RALYL: variants seen among roughly 807,000 people sequenced by gnomAD.
RALYL encodes the protein RNA-binding Raly-like protein.
Under a neutral mutation model 35.1 loss-of-function variants are expected in RALYL, and 29 were observed. The observed-to-expected ratio is 0.83, with a 90% CI of 0.61 to 1.13. RALYL has a LOEUF of 1.13. Among genes scored for constraint, RALYL ranks in the 50% most tolerant of loss-of-function variants. RALYL has a pLI of 0.00. For synonymous variants in RALYL, 120 were observed against 127.6 expected, an observed-to-expected ratio of 0.94 and a Z score of 0.40; for missense variants, 359 against 360.4, an observed-to-expected ratio of 1.00 and a Z score of 0.03.
At chr8:84,427,144 CCA>C (rs2046578646) in intron 1 of RALYL, among the ~76,000 whole-genome samples, 2 of 152,154 alleles carry the variant, frequency 1.3e-5, no homozygotes, top group African/African-American at 4.8e-5. Context: ...CAGTTTCACC[CCA>C]GATATGCCCA....
intron 8 of RALYL, among the ~76,000 whole-genome samples, chr8:84,890,640 A>C (rs1429331138): frequency 6.6e-6 from 1 of 152,106 alleles, no homozygotes; most frequent in Non-Finnish European, 1.5e-5. Context: ...TGTATTTGTA[A>C]CATGTTCCTA....
chr8:84,315,598 C>T (rs1843606434), intron 1 of RALYL, among the ~76,000 whole-genome samples: 1 of 152,018 alleles, frequency 6.6e-6, no homozygotes, highest in Non-Finnish European at 1.5e-5. Flanking sequence ...ATTTCGGAAG[C>T]ATCCAACATC....
intron 1 of RALYL, among the ~76,000 whole-genome samples, chr8:84,323,681 TA>T (rs148681684): frequency 0.044 from 6,704 of 152,130 alleles, 201 homozygotes; most frequent in Middle Eastern, 0.099. Context: ...TATCTTCAGA[TA>T]AACCAAATGA....
At chr8:84,327,120 G>A (rs1209016869) in intron 1 of RALYL, among the ~76,000 whole-genome samples, 1 of 152,032 alleles carries the variant, frequency 6.6e-6, no homozygotes, top group Non-Finnish European at 1.5e-5. Context: ...AATTTATTGT[G>A]AAAGGGGGTG....
intron 2 of RALYL, among the ~76,000 whole-genome samples, chr8:84,722,617 T>TTATATATATATATATATATATATATA (rs71823678): frequency 2.1e-5 from 2 of 97,364 alleles, no homozygotes; most frequent in African/African-American, 1.0e-4. Context: ...TAGAGTGATT[T>TTATATATATATATATATATATATATA]TATATATATA....
intron 1 of RALYL, among the ~76,000 whole-genome samples, chr8:84,200,318 A>G (rs1212225526): frequency 1.3e-5 from 2 of 152,184 alleles, no homozygotes; most frequent in African/African-American, 4.8e-5. Context: ...GACTCCAGAT[A>G]CAAAGCTTTG....
At chr8:84,707,945 A>G (rs963228895) in intron 2 of RALYL, among the ~76,000 whole-genome samples, 1 of 152,244 alleles carries the variant, frequency 6.6e-6, no homozygotes, top group African/African-American at 2.4e-5. Context: ...GTTTTTGATC[A>G]TATAAAAGGC....
intron 5 of RALYL, among the ~76,000 whole-genome samples, 177 bp downstream of exon 5, chr8:84,850,204 T>A (rs1019649161): frequency 1.3e-4 from 20 of 152,168 alleles, no homozygotes; most frequent in Non-Finnish European, 2.9e-5. Flanking sequence ...TATACTTACT[T>A]GAGTACAGTG....
At chr8:84,725,821 A>G (rs1240223143) in intron 2 of RALYL, among the ~76,000 whole-genome samples, 2 of 151,724 alleles carry the variant, frequency 1.3e-5, no homozygotes, top group Admixed American at 6.6e-5. Context: ...TTAGTTGACC[A>G]ATGACCCACA....
intron 5 of RALYL, among the ~76,000 whole-genome samples, chr8:84,856,465 AT>A (rs1836999890): frequency 6.6e-6 from 1 of 152,242 alleles, no homozygotes; most frequent in Admixed American, 6.5e-5. Flanking sequence ...CAAGATTGCA[AT>A]CAACTTGCCT....
At chr8:84,642,089 C>T (rs960573303) in intron 2 of RALYL, among the ~76,000 whole-genome samples, 1 of 151,876 alleles carries the variant, frequency 6.6e-6, no homozygotes, top group South Asian at 2.1e-4. Context: ...AAATATGAAA[C>T]AGAACATAAT....
At chr8:84,518,526 A>G (rs1369365950) in intron 1 of RALYL, among the ~76,000 whole-genome samples, 1 of 152,208 alleles carries the variant, frequency 6.6e-6, no homozygotes, top group Non-Finnish European at 1.5e-5. Flanking sequence ...AATGTGTAAA[A>G]AGGAACTTTA....
intron 4 of RALYL, among the ~76,000 whole-genome samples, chr8:84,825,934 A>C (rs1306699044): frequency 6.6e-6 from 1 of 152,176 alleles, no homozygotes; most frequent in Non-Finnish European, 1.5e-5. Context: ...TGGAAAAAGA[A>C]AACGTGGTAC....
chr8:84,437,308 G>A (rs932774090), intron 1 of RALYL, among the ~76,000 whole-genome samples: 1 of 152,110 alleles, frequency 6.6e-6, no homozygotes, highest in Non-Finnish European at 1.5e-5. Flanking sequence ...TTGCTATCGT[G>A]TTGTGATGAA....
At chr8:84,228,017 CA>C in intron 1 of RALYL, among the ~76,000 whole-genome samples, 1 of 151,922 alleles carries the variant, frequency 6.6e-6, no homozygotes, top group East Asian at 1.9e-4. Flanking sequence ...CTACATTACA[CA>C]ATGAGATAAG....
chr8:84,791,681 A>G (rs1820812789), intron 3 of RALYL, among the ~76,000 whole-genome samples: 1 of 152,212 alleles, frequency 6.6e-6, no homozygotes, highest in African/African-American at 2.4e-5. Context: ...ATTGATTTTG[A>G]AAGTAGTGCC....
intron 1 of RALYL, among the ~76,000 whole-genome samples, chr8:84,456,515 T>A (rs983399019): frequency 2.6e-5 from 4 of 151,982 alleles, no homozygotes; most frequent in African/African-American, 7.2e-5. Context: ...TTATTGAAGG[T>A]ACTGGATAAT....
chr8:84,711,500 T>C (rs947522996), intron 2 of RALYL, among the ~76,000 whole-genome samples: 1 of 152,192 alleles, frequency 6.6e-6, no homozygotes, highest in African/African-American at 2.4e-5. Context: ...ACTTATCTTC[T>C]TATAAATATC....
In RALYL at chr8:84,310,769, C is replaced by T. The variant is rs56108152; in HGVS notation, c.-24+126345C>T. On this transcript the variant is annotated intron_variant, in intron 1 of 8. Coordinates refer to ENST00000521268, the MANE Select transcript of RALYL (RefSeq NM_173848.7). ...TGTATGATTAAAATGTATATTAGGCCGGGTGCGGTGGCTCACGCCTGTAAT... is the reference window on the plus strand; with the variant it reads ...TGTATGATTAAAATGTATATTAGGCTGGGTGCGGTGGCTCACGCCTGTAAT... 1.6e-4 allele frequency among the ~76,000 whole-genome samples: 22 copies of T among 138,136 alleles called. 1 individual carries two copies. Among genetic ancestry groups the T allele is most frequent in the Non-Finnish European group, 3.0e-4 (19 of 63,848 alleles). The allele number at this position is 138,136 out of a possible 152,430, so 90.6% of individuals were successfully genotyped here.
Sources: gnomAD v4.1 joint callset for allele counts (sites outside exome capture counted in the v4.1 genomes callset) on GRCh38, gnomAD v4.1.1 for gene constraint, MANE v1.5 for transcripts, NCBI Gene and HGNC (gene_info 2026-07-23, HGNC 2026-07-21) for gene names.